CADM2: variants seen among roughly 807,000 people sequenced by gnomAD.
CADM2 encodes the protein cell adhesion molecule 2.
A neutral mutation model predicts 49.8 loss-of-function variants in CADM2; 12 were observed. That is an observed-to-expected ratio of 0.24 (90% CI 0.15 to 0.39). The LOEUF (loss-of-function observed/expected upper bound fraction) is 0.39, where lower values mean the gene tolerates loss of function less well. CADM2 is among the 10% of genes least tolerant of loss of function. The pLI, the probability that CADM2 is intolerant of heterozygous loss-of-function variation, is 1.00. For synonymous variants in CADM2, 214 were observed against 175.4 expected (o/e 1.22, Z -1.74); for missense variants, 378 against 492.3 (o/e 0.77, Z 2.20).
intron 1 of CADM2, among the ~76,000 whole-genome samples, chr3:85,679,032 A>G (rs933393965): frequency 6.6e-6 from 1 of 152,326 alleles, no homozygotes; most frequent in South Asian, 2.1e-4. Context: ...TATGATGCAT[A>G]GCGAATCAGA....
intron 1 of CADM2, among the ~76,000 whole-genome samples, chr3:85,628,999 G>A (rs906557980): frequency 1.3e-5 from 2 of 151,490 alleles, no homozygotes; most frequent in Non-Finnish European, 3.0e-5. Context: ...GAGTATATTA[G>A]CAAAATTAGA....
At chr3:85,380,971 A>T (rs149980608) in intron 1 of CADM2, among the ~76,000 whole-genome samples, 4 of 152,160 alleles carry the variant, frequency 2.6e-5, no homozygotes, top group African/African-American at 9.6e-5. Context: ...GAAGAATATG[A>T]GCTTCCAACT....
At chr3:85,765,465 G>A (rs2069608542) in intron 2 of CADM2, among the ~76,000 whole-genome samples, 1 of 151,900 alleles carries the variant, frequency 6.6e-6, no homozygotes, top group Non-Finnish European at 1.5e-5. Flanking sequence ...ACATTCCCAA[G>A]GTCAATCCTC....
intron 8 of CADM2, among the ~76,000 whole-genome samples, chr3:85,989,741 G>A (rs1227227993): frequency 4.6e-5 from 7 of 151,932 alleles, no homozygotes; most frequent in African/African-American, 1.5e-4. Flanking sequence ...GGCTGGGCGC[G>A]GTGGCTCACG....
At chr3:86,003,892 C>T (rs923752472) in intron 8 of CADM2, among the ~76,000 whole-genome samples, 1 of 152,034 alleles carries the variant, frequency 6.6e-6, no homozygotes, top group East Asian at 1.9e-4. Context: ...AAATTGCGGA[C>T]CCAGTGTTGC....
chr3:85,438,059 A>G (rs997945700), intron 1 of CADM2, among the ~76,000 whole-genome samples: 13 of 152,066 alleles, frequency 8.5e-5, no homozygotes, highest in African/African-American at 3.1e-4. Flanking sequence ...TGCTTTCAGT[A>G]CTTTCTCAAC....
At chr3:85,404,835 T>A (rs1283603897) in intron 1 of CADM2, among the ~76,000 whole-genome samples, 2 of 152,136 alleles carry the variant, frequency 1.3e-5, no homozygotes, top group Non-Finnish European at 2.9e-5. Context: ...TAATTAAAAT[T>A]CACGTGTTTT....
At chr3:85,481,870 T>C (rs1308880594) in intron 1 of CADM2, among the ~76,000 whole-genome samples, 1 of 151,522 alleles carries the variant, frequency 6.6e-6, no homozygotes, top group African/African-American at 2.4e-5. Flanking sequence ...AACACTCTAT[T>C]GATGTTATTC....
chr3:85,893,975 G>C (rs1714846220), intron 5 of CADM2, among the ~76,000 whole-genome samples: 1 of 152,196 alleles, frequency 6.6e-6, no homozygotes, highest in South Asian at 2.1e-4. Flanking sequence ...AATACCATTT[G>C]AGCCCGCCAT....
At chr3:85,869,241 C>G in intron 3 of CADM2, among the ~76,000 whole-genome samples, 2 of 151,880 alleles carry the variant, frequency 1.3e-5, no homozygotes, top group South Asian at 4.1e-4. Flanking sequence ...ACTTTACTCA[C>G]TTTTTTTTGG....
intron 1 of CADM2, among the ~76,000 whole-genome samples, chr3:85,465,111 C>T (rs1423159743): frequency 1.3e-5 from 2 of 152,324 alleles, no homozygotes; most frequent in East Asian, 3.9e-4. Context: ...GATCGCGCCA[C>T]TGCACTCCAG....
chr3:85,660,765 T>C (rs770593803), intron 1 of CADM2, among the ~76,000 whole-genome samples: 109 of 152,156 alleles, frequency 7.2e-4, no homozygotes, highest in Admixed American at 1.1e-3. Context: ...AATAACATCA[T>C]GGACAGATAG....
rs1367883199 is a variant in CADM2, at chr3:86,040,247, A to T, written c.971-25358A>T. 3.3e-5 allele frequency among the ~76,000 whole-genome samples: 5 copies of T among 152,232 alleles called. No individual in the cohort carries two copies. The East Asian group carries it at 9.6e-4, about 29-fold the overall frequency. On this transcript the variant is annotated intron_variant, in intron 8 of 9. Transcript: ENST00000383699. ...AGTAGGACAGAGAATGACTTTGAAG[A>T]CCTGAGAGAAGAAGGCTTCAGATGA...
At chr3:85,527,599 GAA>G (rs11337112) in intron 1 of CADM2, among the ~76,000 whole-genome samples, 1 of 149,526 alleles carries the variant, frequency 6.7e-6, no homozygotes, top group Non-Finnish European at 1.5e-5. Flanking sequence ...GTTGTAACCT[GAA>G]AAAAAAAATC....
chr3:85,344,147 G>A (rs1187872787), intron 1 of CADM2, among the ~76,000 whole-genome samples: 5 of 151,878 alleles, frequency 3.3e-5, no homozygotes, highest in South Asian at 2.1e-4. Flanking sequence ...GGGCCGAGGC[G>A]GGCAGATCAC....
In CADM2 at chr3:85,731,902, T is replaced by A. The variant is rs951812090; in HGVS notation, c.88+5354T>A. The stretch of plus-strand genomic sequence containing the variant: ...ATTAAGTAATGAGGCCATAATATAT[T>A]TTTTTTGAAAATATCACTTAACTAC... On this transcript the variant is annotated intron_variant, in intron 2 of 9. Transcript: ENST00000383699. 2.0e-5 allele frequency among the ~76,000 whole-genome samples: 3 copies of A among 151,718 alleles called. No individual in the cohort carries two copies. In the East Asian group the frequency reaches 5.8e-4, roughly 29 times the overall value.
intron 1 of CADM2, among the ~76,000 whole-genome samples, chr3:85,568,738 G>A (rs1034832582): frequency 1.3e-5 from 2 of 149,462 alleles, no homozygotes; most frequent in South Asian, 2.1e-4. Context: ...GAGTAGCTAG[G>A]ATTACAGGCG....
chr3:85,951,167 TTG>T (rs1723380958), intron 7 of CADM2, among the ~76,000 whole-genome samples: 1 of 150,984 alleles, frequency 6.6e-6, no homozygotes, highest in South Asian at 2.1e-4. Context: ...CTCATGATAA[TTG>T]TGAGGATGGA....
intron 5 of CADM2, among the ~76,000 whole-genome samples, chr3:85,893,639 C>G (rs1228300723): frequency 6.6e-6 from 1 of 151,980 alleles, no homozygotes; most frequent in African/African-American, 2.4e-5. Flanking sequence ...TGAACTCAAA[C>G]AAATTTACAA....
Sources: gnomAD v4.1 joint callset for allele counts (sites outside exome capture counted in the v4.1 genomes callset) on GRCh38, gnomAD v4.1.1 for gene constraint, MANE v1.5 for transcripts, NCBI Gene and HGNC (gene_info 2026-07-23, HGNC 2026-07-21) for gene names.